The following TMEM132C variants were observed in gnomAD, a reference collection of about 807,000 sequenced individuals.
TMEM132C encodes protein phosphatase 1, regulatory subunit 152.
A neutral mutation model predicts 61.4 loss-of-function variants in TMEM132C; 29 were observed. The observed-to-expected ratio is 0.47, with a 90% CI of 0.35 to 0.64. The LOEUF (loss-of-function observed/expected upper bound fraction) is 0.64. TMEM132C is among the 30% of genes least tolerant of loss of function. The pLI is 0.00. For missense variants in TMEM132C, 1,408 were observed against 1,476.9 expected (o/e 0.95, Z 0.76); for synonymous variants, 656 against 633.1 (o/e 1.04, Z -0.54).
intron 1 of TMEM132C, among the ~76,000 whole-genome samples, chr12:128,366,262 C>G (rs1378602249): frequency 7.9e-5 from 12 of 152,310 alleles, no homozygotes; most frequent in Non-Finnish European, 5.9e-5. Context: ...CCTCCCCTGT[C>G]CCCTACCCGG....
intron 3 of TMEM132C, among the ~76,000 whole-genome samples, chr12:128,581,223 C>G (rs951397399): frequency 3.3e-5 from 5 of 151,586 alleles, no homozygotes; most frequent in Non-Finnish European, 5.9e-5. Context: ...CAGACCATAT[C>G]AAAACGCTGT....
chr12:128,381,754 A>G (rs540478201), intron 1 of TMEM132C, among the ~76,000 whole-genome samples: 1 of 152,228 alleles, frequency 6.6e-6, no homozygotes, highest in African/African-American at 2.4e-5. Flanking sequence ...GGGGGACGGC[A>G]TCTGGCGGCT....
intron 1 of TMEM132C, among the ~76,000 whole-genome samples, chr12:128,341,981 C>T (rs1565906520): frequency 6.6e-6 from 1 of 152,014 alleles, no homozygotes; most frequent in African/African-American, 2.4e-5. Context: ...CTCCACCTTC[C>T]AGGCTAAAAG....
intron 1 of TMEM132C, among the ~76,000 whole-genome samples, chr12:128,321,146 ATAATAAT>A (rs1872319876): frequency 2.8e-5 from 4 of 142,598 alleles, no homozygotes; most frequent in Middle Eastern, 3.6e-3. Context: ...AAAAATAATA[ATAATAAT>A]AATAATAATA....
chr12:128,593,303 C>G (rs924210442), intron 3 of TMEM132C, among the ~76,000 whole-genome samples: 3 of 151,950 alleles, frequency 2.0e-5, no homozygotes, highest in African/African-American at 7.3e-5. Context: ...TTTTCCCTCT[C>G]TCTCTCCTCC....
chr12:128,338,065 G>A (rs942247476), intron 1 of TMEM132C, among the ~76,000 whole-genome samples: 5 of 151,096 alleles, frequency 3.3e-5, no homozygotes, highest in African/African-American at 1.2e-4. Flanking sequence ...CTTGCACTCC[G>A]AGGTAGCGTT....
intron 1 of TMEM132C, among the ~76,000 whole-genome samples, chr12:128,392,432 G>C (rs1303457402): frequency 6.6e-6 from 1 of 152,020 alleles, no homozygotes; most frequent in Non-Finnish European, 1.5e-5. Flanking sequence ...ACGTCATGGA[G>C]GAGCACAGTG....
intron 1 of TMEM132C, among the ~76,000 whole-genome samples, chr12:128,284,927 G>A (rs887384168): frequency 1.3e-5 from 2 of 152,154 alleles, no homozygotes; most frequent in Non-Finnish European, 2.9e-5. Context: ...CTTGAGCCCA[G>A]GAGTTCAAGA....
At chr12:128,490,873 C>A (rs1023913226) in intron 2 of TMEM132C, among the ~76,000 whole-genome samples, 1 of 152,144 alleles carries the variant, frequency 6.6e-6, no homozygotes, top group African/African-American at 2.4e-5. Flanking sequence ...CACTCTCCAG[C>A]CTTTCTTTAG....
At chr12:128,676,202 A>G (rs1482520274) in intron 5 of TMEM132C, among the ~76,000 whole-genome samples, 1 of 152,176 alleles carries the variant, frequency 6.6e-6, no homozygotes, top group African/African-American at 2.4e-5. Context: ...GCAAGTCCTT[A>G]GCATTGCCCT....
Position 128,706,100 on chromosome 12 carries a change from G to A in TMEM132C, c.3132G>A (p.Leu1044=). 1 of 1,551,460 alleles carries A rather than the reference G, an allele frequency of 6.4e-7. No homozygotes were observed. The highest frequency in any genetic ancestry group is 2.4e-5 in the East Asian group (1 of 40,922). ...RQGREQKQDP[L]HSPTSKRKKV... is the part of the protein sequence containing the mutation. ...GCAGAGAACAGAAGCAGGACCCCCT[G>A]CACTCGCCCACCTCCAAGAGGAAGA... is the stretch of plus-strand genomic sequence containing the variant. The change falls in exon 9 of 9, where the codon CTG becomes CTA. Residue 1044 remains leucine, a synonymous_variant. Transcript: ENST00000435159.
chr12:128,311,880 G>A (rs1188817453), intron 1 of TMEM132C, among the ~76,000 whole-genome samples: 14 of 152,338 alleles, frequency 9.2e-5, no homozygotes, highest in Middle Eastern at 3.4e-3. Flanking sequence ...CGCCGTTGAC[G>A]GTGCAGGGGT....
intron 1 of TMEM132C, among the ~76,000 whole-genome samples, chr12:128,279,505 A>G (rs556325147): frequency 1.3e-5 from 2 of 152,256 alleles, no homozygotes; most frequent in East Asian, 3.9e-4. Flanking sequence ...GGTGATCTAC[A>G]AGGCGCTCTG....
At chr12:128,703,961 T>C (rs929407693) in intron 8 of TMEM132C, among the ~76,000 whole-genome samples, 2 of 152,208 alleles carry the variant, frequency 1.3e-5, no homozygotes, top group African/African-American at 4.8e-5. Flanking sequence ...TACCCATGGC[T>C]AAGTCAAGAA....
intron 1 of TMEM132C, among the ~76,000 whole-genome samples, chr12:128,324,348 A>G (rs1872436462): frequency 6.6e-6 from 1 of 152,250 alleles, no homozygotes; most frequent in African/African-American, 2.4e-5. Context: ...GGAGAGGTTG[A>G]TCAGCCATAT....
At chr12:128,555,514 A>C in intron 3 of TMEM132C, among the ~76,000 whole-genome samples, 1 of 152,162 alleles carries the variant, frequency 6.6e-6, no homozygotes, top group Non-Finnish European at 1.5e-5. Context: ...CCACACACGC[A>C]AAACTTATAG....
chr12:128,547,989 C>A (rs1422546953), intron 3 of TMEM132C, among the ~76,000 whole-genome samples: 2 of 151,846 alleles, frequency 1.3e-5, no homozygotes, highest in South Asian at 2.1e-4. Flanking sequence ...TGTTGATCCC[C>A]CATGACCACT....
At chr12:128,529,735 G>A (rs1185719269) in intron 2 of TMEM132C, among the ~76,000 whole-genome samples, 5 of 152,254 alleles carry the variant, frequency 3.3e-5, no homozygotes, top group African/African-American at 4.8e-5. Context: ...GAAGTGAGCC[G>A]AGATCGTGCC....
chr12:128,489,932 C>T (rs560740177), intron 2 of TMEM132C, among the ~76,000 whole-genome samples: 40 of 152,260 alleles, frequency 2.6e-4, no homozygotes, highest in African/African-American at 9.1e-4. Flanking sequence ...CTTTCGTCCA[C>T]GTGTATGCCA....
Sources: gnomAD v4.1 joint callset for allele counts (sites outside exome capture counted in the v4.1 genomes callset) on GRCh38, gnomAD v4.1.1 for gene constraint, MANE v1.5 for transcripts, NCBI Gene and HGNC (gene_info 2026-07-23, HGNC 2026-07-21) for gene names.